The following WWOX variants were observed in gnomAD, a reference collection of about 807,000 sequenced individuals.
WWOX encodes WW domain-containing oxidoreductase.
Under a neutral mutation model 46.2 loss-of-function variants are expected in WWOX, and 69 were observed. That is an observed-to-expected ratio of 1.49 (90% CI 1.23 to 1.82). The LOEUF is 1.82. Ranked by LOEUF, WWOX falls within the 40% of genes most tolerant of loss-of-function variation. The pLI is 0.00. For synonymous variants in WWOX, 359 were observed against 202.6 expected (o/e 1.77, Z -6.56); for missense variants, 919 against 542.6 (o/e 1.69, Z -6.89).
intron 8 of WWOX, among the ~76,000 whole-genome samples, chr16:79,207,868 C>G (rs2051571861): frequency 6.6e-6 from 1 of 151,938 alleles, no homozygotes; most frequent in Non-Finnish European, 1.5e-5. Flanking sequence ...CATTTGTATT[C>G]TGTGCTGACA....
chr16:78,245,974 C>G (rs953274252), intron 5 of WWOX, among the ~76,000 whole-genome samples: 4 of 152,180 alleles, frequency 2.6e-5, no homozygotes, highest in Admixed American at 6.5e-5. Flanking sequence ...AAGAAGCATT[C>G]AAAGACTAGG....
At chr16:78,412,103 G>C (rs766513247) in intron 6 of WWOX, among the ~76,000 whole-genome samples, 1 of 152,140 alleles carries the variant, frequency 6.6e-6, no homozygotes, top group African/African-American at 2.4e-5. Context: ...GCCTACCTCT[G>C]TGGAGAAGTA....
chr16:78,595,567 G>A (rs2045469784), intron 8 of WWOX, among the ~76,000 whole-genome samples: 2 of 152,184 alleles, frequency 1.3e-5, no homozygotes, highest in African/African-American at 4.8e-5. Flanking sequence ...ACCACAGTTA[G>A]CTATCAGAGA....
At chr16:78,881,425 C>G (rs929705441) in intron 8 of WWOX, among the ~76,000 whole-genome samples, 1 of 152,120 alleles carries the variant, frequency 6.6e-6, no homozygotes, top group Admixed American at 6.5e-5. Flanking sequence ...CAGGTTTTCT[C>G]CAAAATATAT....
rs185166858 is a variant in WWOX, at chr16:78,228,036, G to A, written c.516+63747G>A. On this transcript the variant is annotated intron_variant, in intron 5 of 8. Transcript: ENST00000566780. ...ATGGACCCTCTCTCTGGCAAATAGA[G>A]TTATGGTCATCAAACAGCACCTGCC... is the stretch of plus-strand genomic sequence containing the variant. Among the ~76,000 whole-genome samples the A allele has an allele frequency of 5.3e-5, 8 of 152,270 alleles. No individual in the cohort carries two copies. The East Asian group carries it at 1.5e-3, about 29-fold the overall frequency.
chr16:78,669,170 G>C (rs180706356), intron 8 of WWOX, among the ~76,000 whole-genome samples: 1 of 152,102 alleles, frequency 6.6e-6, no homozygotes, highest in Non-Finnish European at 1.5e-5. Flanking sequence ...CCCCAGAACC[G>C]GAAGACAAAA....
At chr16:78,922,329 A>C (rs970596829) in intron 8 of WWOX, among the ~76,000 whole-genome samples, 2 of 152,118 alleles carry the variant, frequency 1.3e-5, no homozygotes, top group Non-Finnish European at 2.9e-5. Context: ...GAGGTGCCCA[A>C]GCAAACAAAG....
intron 8 of WWOX, among the ~76,000 whole-genome samples, chr16:78,705,823 C>A (rs2142308479): frequency 6.6e-6 from 1 of 152,200 alleles, no homozygotes; most frequent in Admixed American, 6.5e-5. Flanking sequence ...AAAACAAAAA[C>A]CCTATTCCTA....
At chr16:78,287,846 G>T (rs1170990060) in intron 5 of WWOX, among the ~76,000 whole-genome samples, 1 of 152,278 alleles carries the variant, frequency 6.6e-6, no homozygotes, top group Admixed American at 6.5e-5. Flanking sequence ...AAAGGCACAA[G>T]AACTGTTTCA....
At chr16:78,336,695 A>G (rs955635286) in intron 5 of WWOX, among the ~76,000 whole-genome samples, 1 of 152,058 alleles carries the variant, frequency 6.6e-6, no homozygotes, top group African/African-American at 2.4e-5. Context: ...CAGAGCTGCC[A>G]TCTTTTCTAA....
At chr16:78,754,357 A>G (rs954107383) in intron 8 of WWOX, among the ~76,000 whole-genome samples, 1 of 152,064 alleles carries the variant, frequency 6.6e-6, no homozygotes. Flanking sequence ...GTTAGTATGT[A>G]CCTGTGTCTT....
At chr16:78,617,268 G>A (rs946362627) in intron 8 of WWOX, among the ~76,000 whole-genome samples, 1 of 151,978 alleles carries the variant, frequency 6.6e-6, no homozygotes, top group Non-Finnish European at 1.5e-5. Context: ...TGGGCGTGGT[G>A]GCGTGCACCT....
At chr16:78,616,618 A>T (rs1415088055) in intron 8 of WWOX, among the ~76,000 whole-genome samples, 1 of 150,728 alleles carries the variant, frequency 6.6e-6, no homozygotes, top group Non-Finnish European at 1.5e-5. Context: ...AAAACTAAAA[A>T]CTTAGCCAGG....
At chr16:79,185,306 A>C (rs539895019) in intron 8 of WWOX, among the ~76,000 whole-genome samples, 1 of 152,328 alleles carries the variant, frequency 6.6e-6, no homozygotes, top group East Asian at 1.9e-4. Context: ...TCAATAAAAA[A>C]CAAAATTTCA....
intron 5 of WWOX, among the ~76,000 whole-genome samples, chr16:78,325,184 C>G (rs1017602647): frequency 6.6e-6 from 1 of 152,186 alleles, no homozygotes; most frequent in African/African-American, 2.4e-5. Context: ...GAATCCTTTT[C>G]CGTCACCATG....
intron 5 of WWOX, among the ~76,000 whole-genome samples, chr16:78,285,663 A>T (rs1246455765): frequency 1.3e-5 from 2 of 152,134 alleles, no homozygotes; most frequent in Non-Finnish European, 2.9e-5. Flanking sequence ...TACCATTCTG[A>T]CGGACTCTCG....
At chr16:79,075,995 T>C (rs373264722) in intron 8 of WWOX, among the ~76,000 whole-genome samples, 1 of 152,306 alleles carries the variant, frequency 6.6e-6, no homozygotes, top group East Asian at 1.9e-4. Flanking sequence ...AATAAAGTAT[T>C]TGTTGAAGTG....
intron 8 of WWOX, among the ~76,000 whole-genome samples, chr16:78,544,276 A>C (rs964613462): frequency 3.3e-5 from 5 of 152,226 alleles, no homozygotes; most frequent in African/African-American, 1.2e-4. Flanking sequence ...CCAAGCGCTA[A>C]CATTATATTA....
intron 8 of WWOX, among the ~76,000 whole-genome samples, chr16:79,195,414 C>T (rs1378668340): frequency 1.3e-5 from 2 of 152,148 alleles, no homozygotes; most frequent in East Asian, 3.9e-4. Flanking sequence ...GGGCTCCCTC[C>T]TGGAGTGCGT....
Sources: gnomAD v4.1 joint callset for allele counts (sites outside exome capture counted in the v4.1 genomes callset) on GRCh38, gnomAD v4.1.1 for gene constraint, MANE v1.5 for transcripts, NCBI Gene and HGNC (gene_info 2026-07-23, HGNC 2026-07-21) for gene names.